Variants in STS observed in about 807,000 individuals in gnomAD.
The protein encoded by STS is steryl-sulfatase.
STS carries 7 observed loss-of-function variants against 26.8 expected under a neutral mutation model. The ratio of observed to expected loss-of-function variants is 0.26; its 90% CI spans 0.15 to 0.49. STS has a LOEUF of 0.49. Among genes scored for constraint, STS ranks in the 20% least tolerant of loss-of-function variants. STS has a pLI of 0.98. For missense variants in STS, 434 were observed against 465.6 expected (o/e 0.93, Z 0.63); for synonymous variants, 199 against 189.4 (o/e 1.05, Z -0.42).
chrX:7,193,639 G>A (rs1018145598), intron 2 of STS, among the ~76,000 whole-genome samples: 1 of 111,147 alleles, frequency 9.0e-6, no homozygotes, highest in Non-Finnish European at 1.9e-5. Flanking sequence ...CAGATAAAGT[G>A]GGAGTGTTGC....
intron 6 of STS, among the ~76,000 whole-genome samples, chrX:7,273,775 C>T (rs1225847199): frequency 9.0e-6 from 1 of 110,699 alleles, no homozygotes; most frequent in Non-Finnish European, 1.9e-5. Context: ...GCCCTTTCTC[C>T]TATTAAAAAA....
chrX:7,152,114 G>T (rs1601614898), intron 1 of STS, among the ~76,000 whole-genome samples: 1 of 109,144 alleles, frequency 9.2e-6, no homozygotes, highest in African/African-American at 3.4e-5. Flanking sequence ...CACTATGCCT[G>T]GCTAGTTTTT....
chrX:7,348,191 C>A (rs1467165881), intron 10 of STS, among the ~76,000 whole-genome samples: 3 of 111,559 alleles, frequency 2.7e-5, no homozygotes, highest in African/African-American at 9.8e-5. Context: ...TTAAAAAAAA[C>A]CCACATACAC....
intron 2 of STS, among the ~76,000 whole-genome samples, chrX:7,209,771 C>T (rs1175828124): frequency 1.8e-5 from 2 of 109,302 alleles, no homozygotes; most frequent in Non-Finnish European, 3.8e-5. Context: ...TAAGTTTCTT[C>T]CCGTCACCCC....
At chrX:7,169,391 T>A (rs957681770) in intron 1 of STS, among the ~76,000 whole-genome samples, 1 of 112,473 alleles carries the variant, frequency 8.9e-6, no homozygotes, top group Non-Finnish European at 1.9e-5. Context: ...CAGAATTTCA[T>A]TCCTTTTCAT....
At chrX:7,277,710 A>T (rs1924607538) in intron 7 of STS, among the ~76,000 whole-genome samples, 2 of 112,101 alleles carry the variant, frequency 1.8e-5, no homozygotes, top group Non-Finnish European at 3.8e-5. Flanking sequence ...TAACTAGGAA[A>T]AACAAAACCA....
chrX:7,158,554 C>G (rs1264468233), intron 1 of STS, among the ~76,000 whole-genome samples: 3 of 111,659 alleles, frequency 2.7e-5, no homozygotes, highest in Non-Finnish European at 5.6e-5. Flanking sequence ...AAACCTTCTG[C>G]TCCTTTTCGC....
At chrX:7,176,985 C>A (rs1321017569) in intron 1 of STS, among the ~76,000 whole-genome samples, 1 of 111,587 alleles carries the variant, frequency 9.0e-6, no homozygotes, top group African/African-American at 3.3e-5. Context: ...ACCCATTTTG[C>A]CTCTATGAAA....
Position 7,341,243 on chromosome X carries a change from A to C in STS, c.1363+7136A>C, listed in dbSNP as rs1481160391. Among the ~76,000 whole-genome samples, 3 of 111,238 alleles carry C rather than the reference A, an allele frequency of 2.7e-5. No homozygotes were observed. In the East Asian group the frequency reaches 8.5e-4, roughly 32 times the overall value. On this transcript the variant is annotated intron_variant, in intron 10 of 10. Transcript: ENST00000674429. ...TTCCCCTAAGACAATATGTTCTTTT[A>C]CTCACAATTATAAATCATGATTCCT...
At chrX:7,198,569 A>AT (rs1273158772) in intron 2 of STS, among the ~76,000 whole-genome samples, 1 of 111,201 alleles carries the variant, frequency 9.0e-6, no homozygotes, top group Admixed American at 9.6e-5. Flanking sequence ...CAAAAATGGG[A>AT]TTTTTTTCCG....
intron 2 of STS, among the ~76,000 whole-genome samples, chrX:7,226,621 CG>C (rs1921817401): frequency 9.0e-6 from 1 of 111,661 alleles, no homozygotes; most frequent in African/African-American, 3.3e-5. Context: ...GGGCCAGGAA[CG>C]GTGGCTCATG....
At chrX:7,220,828 G>A (rs1313183706) in intron 2 of STS, among the ~76,000 whole-genome samples, 3 of 111,148 alleles carry the variant, frequency 2.7e-5, no homozygotes, top group Non-Finnish European at 3.8e-5. Flanking sequence ...GATTACAGGC[G>A]TGAGCCACTG....
intron 1 of STS, among the ~76,000 whole-genome samples, chrX:7,167,015 A>T (rs1275665209): frequency 1.3e-4 from 14 of 111,019 alleles, no homozygotes. Flanking sequence ...ATTACCACAA[A>T]CTTAAAGACT....
intron 3 of STS, among the ~76,000 whole-genome samples, chrX:7,257,039 G>C (rs1226100611): frequency 8.9e-6 from 1 of 111,924 alleles, no homozygotes; most frequent in African/African-American, 3.2e-5. Flanking sequence ...ATCACTTGAG[G>C]TCAGGAGTTT....
At chrX:7,316,142 A>G (rs1361314452) in intron 8 of STS, among the ~76,000 whole-genome samples, 1 of 111,806 alleles carries the variant, frequency 8.9e-6, no homozygotes, top group African/African-American at 3.3e-5. Context: ...ATTCCAGAGT[A>G]AGATGTATTT....
chrX:7,151,447 A>G (rs1283482876), intron 1 of STS, among the ~76,000 whole-genome samples: 1 of 111,563 alleles, frequency 9.0e-6, no homozygotes, highest in African/African-American at 3.3e-5. Flanking sequence ...TCCTCATTGC[A>G]GACTTACCTG....
At chrX:7,340,558 G>A (rs150860458) in intron 10 of STS, among the ~76,000 whole-genome samples, 145 of 112,009 alleles carry the variant, frequency 1.3e-3, no homozygotes, top group Middle Eastern at 4.6e-3. Flanking sequence ...GATGTTTGTT[G>A]CATATTTACT....
chrX:7,165,690 G>A (rs940837728), intron 1 of STS, among the ~76,000 whole-genome samples: 17 of 111,482 alleles, frequency 1.5e-4, no homozygotes, highest in African/African-American at 5.5e-4. Context: ...GCAAAGCTTC[G>A]ACTTAATCAG....
At chrX:7,222,208 T>C (rs1789614866) in intron 2 of STS, among the ~76,000 whole-genome samples, 1 of 112,064 alleles carries the variant, frequency 8.9e-6, no homozygotes, top group Non-Finnish European at 1.9e-5. Context: ...CTGTTGTTTA[T>C]AAGCCACTTC....
Sources: allele counts gnomAD v4.1 joint callset (sites outside exome capture counted in the v4.1 genomes callset), GRCh38; gene constraint gnomAD v4.1.1; transcripts MANE v1.5; gene names NCBI Gene and HGNC (gene_info 2026-07-23, HGNC 2026-07-21).